Variants in ATP6V0A4 observed in about 807,000 individuals in gnomAD.
ATP6V0A4 encodes ATPase H+ transporting V0 subunit a4.
ATP6V0A4 carries 86 observed loss-of-function variants against 107.3 expected under a neutral mutation model. That is an observed-to-expected ratio of 0.80 (90% CI 0.67 to 0.96). The LOEUF is 0.96. ATP6V0A4 is among the 40% of genes least tolerant of loss of function. The pLI is 0.00. For missense variants in ATP6V0A4, 908 were observed against 1,045.6 expected (o/e 0.87, Z 1.81); for synonymous variants, 353 against 381.4 (o/e 0.93, Z 0.87).
intron 2 of ATP6V0A4, among the ~76,000 whole-genome samples, chr7:138,780,766 C>T (rs559513554): frequency 2.0e-4 from 30 of 151,962 alleles, no homozygotes; most frequent in Non-Finnish European, 3.4e-4. Flanking sequence ...ATTAGCTGGG[C>T]GTGGTGGTGC....
chr7:138,717,134 G>A (rs1804081209), intron 19 of ATP6V0A4, among the ~76,000 whole-genome samples: 1 of 152,164 alleles, frequency 6.6e-6, no homozygotes, highest in African/African-American at 2.4e-5. Flanking sequence ...GATGGCAGTG[G>A]GCCTTATCAG....
At chr7:138,721,565 C>G (rs77345506) in intron 19 of ATP6V0A4, among the ~76,000 whole-genome samples, 1 of 152,062 alleles carries the variant, frequency 6.6e-6, no homozygotes, top group African/African-American at 2.4e-5. Context: ...CTTATAGGGG[C>G]GTGGTGCTGA....
At chr7:138,795,949 C>T (rs930047021) in intron 1 of ATP6V0A4, among the ~76,000 whole-genome samples, 2 of 152,162 alleles carry the variant, frequency 1.3e-5, no homozygotes, top group East Asian at 3.9e-4. Context: ...GCCAATATGC[C>T]TGGTCTGTTC....
chr7:138,716,671 C>T (rs1472656244), intron 19 of ATP6V0A4, among the ~76,000 whole-genome samples: 1 of 152,106 alleles, frequency 6.6e-6, no homozygotes, highest in African/African-American at 2.4e-5. Context: ...TCAGGTGATC[C>T]TCCCATCTCA....
intron 17 of ATP6V0A4, among the ~76,000 whole-genome samples, chr7:138,731,445 GTC>G (rs1805010503): frequency 6.6e-6 from 1 of 152,228 alleles, no homozygotes; most frequent in South Asian, 2.1e-4. Context: ...ATAGAAATGG[GTC>G]TTTTTTAGTG....
chr7:138,793,561 C>G (rs958106864), intron 1 of ATP6V0A4, among the ~76,000 whole-genome samples: 3 of 152,068 alleles, frequency 2.0e-5, no homozygotes, highest in Admixed American at 1.3e-4. Context: ...TGGACTTACC[C>G]GGAGCACTGA....
rs761284041 is a variant in ATP6V0A4, at chr7:138,747,524, C to G, written c.1221G>C (p.Val407=). Residue 407 remains valine (V), a synonymous_variant, in exon 13 of 22, where the codon GTG becomes GTC. Transcript: ENST00000310018. The stretch of plus-strand genomic sequence containing the variant: ...TTCCATGACCACAGTCTCCAAACAT[C>G]ACAGCGAACAGGAAGGGGAAAGTGA... ...TIITFPFLFA[V]MFGDCGHGTV... 6.8e-5 allele frequency: 110 copies of G among 1,613,992 alleles called. 3 individuals are homozygous for G. The Admixed American group carries it at 1.8e-3, about 27-fold the overall frequency.
At chr7:138,718,674 G>GTCT (rs1347141782) in intron 19 of ATP6V0A4, among the ~76,000 whole-genome samples, 434 of 7,686 alleles carry the variant, frequency 0.056, 89 homozygotes, top group African/African-American at 0.23. Context: ...AGGAATTCGG[G>GTCT]GCGGGGGGGG....
intron 18 of ATP6V0A4, among the ~76,000 whole-genome samples, chr7:138,723,055 CAAAA>C (rs34685977): frequency 2.5e-5 from 3 of 122,382 alleles, no homozygotes; most frequent in Admixed American, 1.8e-4. Context: ...GAGACTGTCT[CAAAA>C]AAAAAAAAAA....
At chr7:138,728,919 T>C (rs1804849459) in intron 17 of ATP6V0A4, 57 bp from the exon 18 acceptor site, 1 of 1,612,736 alleles carries the variant, frequency 6.2e-7, no homozygotes, top group South Asian at 1.1e-5. Context: ...CAGCACACTT[T>C]ACGTGATGAA....
At chr7:138,738,345 T>G (rs1460387035) in intron 15 of ATP6V0A4, among the ~76,000 whole-genome samples, 1 of 152,162 alleles carries the variant, frequency 6.6e-6, no homozygotes, top group South Asian at 2.1e-4. Flanking sequence ...GGAGCAGAAA[T>G]GGACAGGCAG....
chr7:138,749,409 C>A (rs1018688557), intron 11 of ATP6V0A4, 92 bp from the exon 12 acceptor site: 11 of 1,469,714 alleles, frequency 7.5e-6, no homozygotes, highest in East Asian at 2.3e-5. Flanking sequence ...TCCTGCCGTC[C>A]CTCACTGAGC....
intron 15 of ATP6V0A4, among the ~76,000 whole-genome samples, chr7:138,735,895 C>T (rs116435351): frequency 0.038 from 1,196 of 31,496 alleles, 16 homozygotes; most frequent in African/African-American, 0.13. Flanking sequence ...CCCGTCTCTA[C>T]AAAAGCTTTT....
rs564969270 is a variant in ATP6V0A4 at position 138,755,994 on chromosome 7, A to G, written c.723-212T>C. On this transcript the variant is annotated intron_variant, in intron 9 of 21. Coordinates refer to ENST00000310018, the MANE Select transcript of ATP6V0A4 (RefSeq NM_020632.3). ...TGAATTGAGGCTGCAGTTCTGTTAT[A>G]TGAATGAGCTTCATTCAAACCATAA... The G allele has an allele frequency of 1.1e-5, 9 of 802,470 alleles. No individual in the cohort carries two copies. The African/African-American group carries it at 1.4e-4, about 12-fold the overall frequency. The allele number at this position is 802,470 out of a possible 1,614,324, so 49.7% of individuals were successfully genotyped here.
At chr7:138,794,306 A>C (rs1808554588) in intron 1 of ATP6V0A4, among the ~76,000 whole-genome samples, 1 of 152,158 alleles carries the variant, frequency 6.6e-6, no homozygotes, top group Admixed American at 6.5e-5. Context: ...ACTGGAGATG[A>C]AAAACCCAAG....
At chr7:138,741,711 G>A (rs151009650) in intron 14 of ATP6V0A4, among the ~76,000 whole-genome samples, 2 of 152,292 alleles carry the variant, frequency 1.3e-5, no homozygotes, top group East Asian at 3.9e-4. Flanking sequence ...TAATAGAGAT[G>A]GTTTTCCCAA....
At chr7:138,718,279 GGTGTGTGT>G (rs777538832) in intron 19 of ATP6V0A4, among the ~76,000 whole-genome samples, 28 of 12,958 alleles carry the variant, frequency 2.2e-3, no homozygotes, top group East Asian at 0.011. Flanking sequence ...AAGGAATGGC[GGTGTGTGT>G]GTGTGTGTGT....
In ATP6V0A4 at chr7:138,798,049, G is replaced by A. The variant is rs759971982; in HGVS notation, c.-136C>T. 9.0e-6 allele frequency: 14 copies of A among 1,558,870 alleles called. No individual in the cohort carries two copies. Among genetic ancestry groups the A allele is most frequent in the African/African-American group, 1.4e-5 (1 of 73,368 alleles). ...GTCGACTCACCTGCAGCAGGCACTC[G>A]GCACAACTCCGCAGGACCGGCTCAC... is the stretch of plus-strand genomic sequence containing the variant. On this transcript the variant is annotated 5_prime_UTR_variant, in exon 1 of 22. Coordinates refer to ENST00000310018, the MANE Select transcript of ATP6V0A4 (RefSeq NM_020632.3).
At chr7:138,707,097 A>G (rs1453270359) in intron 21 of ATP6V0A4, among the ~76,000 whole-genome samples, 3 of 47,026 alleles carry the variant, frequency 6.4e-5, no homozygotes, top group African/African-American at 2.7e-4. Context: ...TGTGTGTATA[A>G]TATATCATAT....
Sources: allele counts gnomAD v4.1 joint callset (sites outside exome capture counted in the v4.1 genomes callset), GRCh38; gene constraint gnomAD v4.1.1; transcripts MANE v1.5; gene names NCBI Gene and HGNC (gene_info 2026-07-23, HGNC 2026-07-21).